Variants in NDE1 observed in about 807,000 individuals in gnomAD.
The protein encoded by NDE1 is nudE neurodevelopment protein 1.
A neutral mutation model predicts 43.4 loss-of-function variants in NDE1; 28 were observed. The observed-to-expected ratio is 0.65, with a 90% CI of 0.48 to 0.89. The LOEUF (loss-of-function observed/expected upper bound fraction) is 0.89, where lower values mean the gene tolerates loss of function less well. Among genes scored for constraint, NDE1 ranks in the 40% least tolerant of loss-of-function variants. The pLI, the probability that NDE1 is intolerant of heterozygous loss-of-function variation, is 0.00. For missense variants in NDE1, 441 were observed against 434.1 expected (o/e 1.02, Z -0.14); for synonymous variants, 184 against 172.0 (o/e 1.07, Z -0.55).
intron 8 of NDE1, chr16:15,703,906 T>C: frequency 3.8e-6 from 6 of 1,585,372 alleles, no homozygotes; most frequent in Non-Finnish European, 5.2e-6. Context: ...GGTTTTGCTT[T>C]GTTCTGGGTT....
chr16:15,650,253 C>A lies in NDE1; in HGVS notation c.-85C>A. The A allele has an allele frequency of 6.6e-6, 2 of 302,908 alleles. No homozygotes were observed. Among genetic ancestry groups the A allele is most frequent in the South Asian group, 2.5e-5 (1 of 40,532 alleles). 18.8% of individuals were successfully genotyped at this position (302,908 alleles called of 1,614,324 possible). A position where few individuals can be genotyped will look rare whatever the true frequency, so the allele number is the denominator to read the frequency against. ...GGGCCGCACCGCCCTTCGCAGCCGC[C>A]TCTGCCGCCGCCGCCGCGTTGGCCT... On this transcript the variant is annotated 5_prime_UTR_variant, in exon 1 of 9. Transcript: ENST00000396354.
At chr16:15,695,015 C>G (rs946421023) in intron 7 of NDE1, 4 of 690,312 alleles carry the variant, frequency 5.8e-6, no homozygotes, top group Non-Finnish European at 5.3e-6. Flanking sequence ...CCGACTTGGC[C>G]TCTACAAGAA....
intron 3 of NDE1, among the ~76,000 whole-genome samples, chr16:15,673,319 C>A (rs1045672083): frequency 2.0e-5 from 3 of 151,944 alleles, no homozygotes; most frequent in Non-Finnish European, 4.4e-5. Flanking sequence ...AAGCGATTCC[C>A]CTGCCTCCCG....
At chr16:15,708,575 G>A (rs2039595619) in intron 8 of NDE1, among the ~76,000 whole-genome samples, 3 of 152,216 alleles carry the variant, frequency 2.0e-5, no homozygotes, top group African/African-American at 7.2e-5. Flanking sequence ...TGTCACATGT[G>A]CTGCCCAGAG....
At chr16:15,675,375 T>C (rs1358649328) in intron 3 of NDE1, among the ~76,000 whole-genome samples, 4 of 150,746 alleles carry the variant, frequency 2.7e-5, no homozygotes, top group African/African-American at 9.7e-5. Flanking sequence ...ATTTTTTGTA[T>C]TTTTAGTAGA....
intron 8 of NDE1, among the ~76,000 whole-genome samples, chr16:15,707,855 C>T (rs927380706): frequency 6.6e-6 from 1 of 151,610 alleles, no homozygotes; most frequent in Non-Finnish European, 1.5e-5. Flanking sequence ...GCCTGTAATC[C>T]CAGCTACTCA....
intron 2 of NDE1, 47 bp from the exon 3 acceptor site, chr16:15,667,239 C>CT (rs767339873): frequency 2.5e-6 from 4 of 1,606,782 alleles, no homozygotes; most frequent in Non-Finnish European, 2.6e-6. Flanking sequence ...GAGCGAGACT[C>CT]TGTCTTCAAA....
chr16:15,655,872 T>G (rs557118282), intron 1 of NDE1, among the ~76,000 whole-genome samples: 4 of 149,816 alleles, frequency 2.7e-5, no homozygotes, highest in Non-Finnish European at 5.9e-5. Context: ...AGTAAACTAT[T>G]GCAAGAACAA....
intron 4 of NDE1, among the ~76,000 whole-genome samples, chr16:15,678,474 C>T (rs2038001256): frequency 6.6e-6 from 1 of 152,102 alleles, no homozygotes; most frequent in African/African-American, 2.4e-5. Flanking sequence ...AAGCAATTCT[C>T]ATGCCTCAGG....
intron 8 of NDE1, among the ~76,000 whole-genome samples, chr16:15,723,522 C>CT (rs1567698519): frequency 6.6e-6 from 1 of 152,166 alleles, no homozygotes; most frequent in Non-Finnish European, 1.5e-5. Flanking sequence ...TGGTGTGCTC[C>CT]TATAATCCCG....
chr16:15,700,024 AC>A, intron 8 of NDE1: 3 of 1,183,242 alleles, frequency 2.5e-6, no homozygotes, highest in Non-Finnish European at 3.2e-6. Flanking sequence ...TTTCATCCTT[AC>A]CTGCCACCGT....
At chr16:15,663,052 A>G (rs566804645) in intron 1 of NDE1, among the ~76,000 whole-genome samples, 1 of 152,190 alleles carries the variant, frequency 6.6e-6, no homozygotes, top group East Asian at 1.9e-4. Flanking sequence ...TAAGTTTCTT[A>G]ACATCTTGCA....
chr16:15,691,282 G>C lies in NDE1; in HGVS notation c.662G>C (p.Gly221Ala). Residue 221 changes from glycine to alanine, a missense_variant, in exon 6 of 9, where the codon GGA becomes GCA. Coordinates refer to ENST00000396354, the MANE Select transcript of NDE1 (RefSeq NM_017668.3). ...CCGTCCACGCCCATTGCTCACCGAGGACCCAGCTCAAGTTTAAACACACCT... is the reference window on the plus strand; with the variant it reads ...CCGTCCACGCCCATTGCTCACCGAGCACCCAGCTCAAGTTTAAACACACCT... ...SVPSTPIAHR[G>A]PSSSLNTPGS... is the part of the protein sequence containing the mutation. The C allele has an allele frequency of 6.2e-7, 1 of 1,614,114 alleles. No individual in the cohort carries two copies. Among genetic ancestry groups the C allele is most frequent in the Non-Finnish European group, 8.5e-7 (1 of 1,180,016 alleles).
At chr16:15,693,440 C>G (rs1245541837) in intron 6 of NDE1, among the ~76,000 whole-genome samples, 1 of 152,112 alleles carries the variant, frequency 6.6e-6, no homozygotes, top group Non-Finnish European at 1.5e-5. Context: ...ATCACAGATG[C>G]CATTATGTTA....
chr16:15,663,910 T>C (rs1288520020), intron 1 of NDE1, among the ~76,000 whole-genome samples: 2 of 151,718 alleles, frequency 1.3e-5, no homozygotes, highest in Non-Finnish European at 2.9e-5. Context: ...CTACTAAAAA[T>C]AGAAAAATTA....
intron 8 of NDE1, chr16:15,719,055 G>A (rs1596711894): frequency 1.4e-6 from 1 of 692,942 alleles, no homozygotes; most frequent in Non-Finnish European, 2.6e-6. Flanking sequence ...TTGAACCTGG[G>A]AGGTGGAGGT....
At chr16:15,686,082 G>A (rs1333923609) in intron 4 of NDE1, among the ~76,000 whole-genome samples, 1 of 151,936 alleles carries the variant, frequency 6.6e-6, no homozygotes, top group South Asian at 2.1e-4. Context: ...CTCCCGAGCA[G>A]CTGGGACTAC....
chr16:15,678,568 T>C (rs1249487552), intron 4 of NDE1, among the ~76,000 whole-genome samples: 1 of 152,108 alleles, frequency 6.6e-6, no homozygotes, highest in Non-Finnish European at 1.5e-5. Flanking sequence ...TCTTGCCATG[T>C]TGGCCAGGCT....
rs778153855 is a variant in NDE1 at position 15,664,795 on chromosome 16, A to G, written c.17A>G (p.Lys6Arg). The change falls in exon 2 of 9, where the codon AAG becomes AGG. Residue 6 changes from lysine to arginine, a missense_variant. By Grantham distance (26) the Lys-to-Arg change is conservative. Transcript: ENST00000396354. MEDSG[K>R]TFSSEEEEAN... Reference sequence around the variant, plus strand: ...GTTTTCACAATGGAGGACTCCGGAAAGACTTTCAGCTCCGAGGAGGAAGAA... The same window carrying G: ...GTTTTCACAATGGAGGACTCCGGAAGGACTTTCAGCTCCGAGGAGGAAGAA... 1.9e-6 allele frequency: 3 copies of G among 1,613,496 alleles called. No individual in the cohort carries two copies. Among genetic ancestry groups the G allele is most frequent in the East Asian group, 2.2e-5 (1 of 44,876 alleles).
Sources: allele counts gnomAD v4.1 joint callset (sites outside exome capture counted in the v4.1 genomes callset), GRCh38; gene constraint gnomAD v4.1.1; transcripts MANE v1.5; gene names NCBI Gene and HGNC (gene_info 2026-07-23, HGNC 2026-07-21).